The following ADGRL2 variants were observed in gnomAD, a reference collection of about 807,000 sequenced individuals.
ADGRL2 encodes calcium-independent alpha-latrotoxin receptor 2.
Under a neutral mutation model 157.4 loss-of-function variants are expected in ADGRL2, and 44 were observed. That is an observed-to-expected ratio of 0.28 (90% CI 0.22 to 0.36). The LOEUF (loss-of-function observed/expected upper bound fraction) is 0.36, where lower values mean the gene tolerates loss of function less well. Ranked by LOEUF, ADGRL2 falls within the 10% of genes least tolerant of loss-of-function variation. The pLI, the probability that ADGRL2 is intolerant of heterozygous loss-of-function variation, is 1.00. For synonymous variants in ADGRL2, 585 were observed against 624.7 expected (o/e 0.94, Z 0.95); for missense variants, 1,510 against 1,768.9 (o/e 0.85, Z 2.63).
At chr1:81,650,955 C>T (rs751159680) in intron 3 of ADGRL2, among the ~76,000 whole-genome samples, 1 of 152,134 alleles carries the variant, frequency 6.6e-6, no homozygotes, top group Non-Finnish European at 1.5e-5. Context: ...TTGTACCTGG[C>T]ATGTTTCCCA....
chr1:81,508,436 ATTATGG>A, intron 2 of ADGRL2, among the ~76,000 whole-genome samples: 1 of 152,330 alleles, frequency 6.6e-6, no homozygotes, highest in East Asian at 1.9e-4. Flanking sequence ...CCTGCCAGTC[ATTATGG>A]GTTCGCCAGT....
intron 3 of ADGRL2, among the ~76,000 whole-genome samples, chr1:81,600,279 G>A (rs1557495623): frequency 1.3e-5 from 2 of 152,180 alleles, no homozygotes; most frequent in South Asian, 4.1e-4. Flanking sequence ...ACTAACCCCG[G>A]AGGAACTTTT....
chr1:81,598,885 AT>A (rs1413936627), intron 3 of ADGRL2, among the ~76,000 whole-genome samples: 7 of 152,234 alleles, frequency 4.6e-5, no homozygotes, highest in Non-Finnish European at 8.8e-5. Flanking sequence ...GACAGAATGA[AT>A]GGCTATTTAT....
chr1:81,841,416 T>C (rs2092573725), intron 2 of ADGRL2, among the ~76,000 whole-genome samples: 1 of 152,094 alleles, frequency 6.6e-6, no homozygotes. Flanking sequence ...TTTCAGTATT[T>C]GGGTAGAAGA....
chr1:81,524,497 C>A (rs1467292883), intron 2 of ADGRL2, among the ~76,000 whole-genome samples: 1 of 151,902 alleles, frequency 6.6e-6, no homozygotes, highest in Non-Finnish European at 1.5e-5. Flanking sequence ...ATATAGGATG[C>A]CATTACAGTG....
intron 2 of ADGRL2, among the ~76,000 whole-genome samples, chr1:81,496,198 G>A (rs1299111008): frequency 1.3e-5 from 2 of 152,096 alleles, no homozygotes; most frequent in African/African-American, 4.8e-5. Context: ...TTCAGTGGCG[G>A]TAGACAGATT....
chr1:81,687,525 T>C (rs772575343), intron 3 of ADGRL2, among the ~76,000 whole-genome samples: 1 of 152,224 alleles, frequency 6.6e-6, no homozygotes, highest in Non-Finnish European at 1.5e-5. Flanking sequence ...TTTAAGTTTA[T>C]GTAAGTCCTT....
In ADGRL2 at chr1:81,670,072, T is replaced by G. The variant is rs995027063; in HGVS notation, c.-143+89092T>G. 2.0e-5 allele frequency among the ~76,000 whole-genome samples: 3 copies of G among 150,268 alleles called. No individual in the cohort carries two copies. In the South Asian group the frequency reaches 6.4e-4, roughly 32 times the overall value. On this transcript the variant is annotated intron_variant, in intron 3 of 24. Coordinates refer to the ADGRL2 transcript ENST00000370721. ...CACAGTGTGTAAGGAAAGTGTGTGG[T>G]GTTCAGAGACTTTTTGTTTATTTCC... is the stretch of plus-strand genomic sequence containing the variant.
chr1:81,367,733 G>T (rs2076091338), intron 1 of ADGRL2, among the ~76,000 whole-genome samples: 1 of 152,190 alleles, frequency 6.6e-6, no homozygotes, highest in African/African-American at 2.4e-5. Flanking sequence ...TGTATTTTTA[G>T]TAGAGATGGA....
chr1:81,376,852 G>C (rs1444877862), intron 1 of ADGRL2, among the ~76,000 whole-genome samples: 2 of 152,148 alleles, frequency 1.3e-5, no homozygotes, highest in Non-Finnish European at 2.9e-5. Context: ...ACAGCAGAGT[G>C]CATGGGTCAA....
intron 1 of ADGRL2, among the ~76,000 whole-genome samples, chr1:81,339,120 CTAA>C (rs1661869723): frequency 6.6e-6 from 1 of 152,136 alleles, no homozygotes; most frequent in African/African-American, 2.4e-5. Context: ...ATCTGTATAA[CTAA>C]TATTTGTTGA....
intron 17 of ADGRL2, among the ~76,000 whole-genome samples, chr1:81,975,678 A>G (rs995947155): frequency 3.9e-5 from 6 of 152,060 alleles, no homozygotes. Context: ...ACAGAAGTAT[A>G]TGGATGGAAA....
chr1:81,669,693 A>G (rs1310608275), intron 3 of ADGRL2, among the ~76,000 whole-genome samples: 1 of 152,162 alleles, frequency 6.6e-6, no homozygotes, highest in Non-Finnish European at 1.5e-5. Context: ...CTGTAATCCC[A>G]GCACTTTGGG....
rs148199162 is a variant in ADGRL2, at chr1:81,807,806, G to A, written c.-101+6738G>A. Among the ~76,000 whole-genome samples, 113 of 151,840 alleles carry A rather than the reference G, an allele frequency of 7.4e-4. 3 individuals are homozygous for A. In the East Asian group the frequency reaches 0.02, roughly 28 times the overall value. On this transcript the variant is annotated intron_variant, in intron 1 of 23. Transcript: ENST00000686636. ...TAAGTATTTTTGTGTGTGTGTGTGAGTCACGGTGTCATGAGAAAAGGGAGA... is the reference window on the plus strand; with the variant it reads ...TAAGTATTTTTGTGTGTGTGTGTGAATCACGGTGTCATGAGAAAAGGGAGA...
chr1:81,640,701 C>A (rs1263726452), intron 3 of ADGRL2, among the ~76,000 whole-genome samples: 1 of 151,486 alleles, frequency 6.6e-6, no homozygotes, highest in African/African-American at 2.4e-5. Context: ...AGACTAAGCT[C>A]CTATACTAGA....
intron 1 of ADGRL2, among the ~76,000 whole-genome samples, chr1:81,377,079 T>G (rs116705136): frequency 0.029 from 4,423 of 152,250 alleles, 100 homozygotes; most frequent in Middle Eastern, 0.099. Flanking sequence ...TGTATAGTCC[T>G]AAGCTACTCA....
rs771915425 is a variant in ADGRL2, at chr1:81,990,896, T to C, written c.4161T>C (p.Asn1387=). 9 of 1,613,866 alleles carry C rather than the reference T, an allele frequency of 5.6e-6. No homozygotes were observed. The highest frequency in any genetic ancestry group is 1.7e-5 in the Admixed American group (1 of 59,972). ...NRDSLYTSMP[N]LRDSPYPESS... Reference sequence around the variant, plus strand: ...ACTCTCTTTATACAAGCATGCCCAATCTTAGAGACTCTCCCTATCCGGAGA... The same window carrying C: ...ACTCTCTTTATACAAGCATGCCCAACCTTAGAGACTCTCCCTATCCGGAGA... The change falls in exon 24 of 24, where the codon AAT becomes AAC. Residue 1387 remains asparagine (N), a synonymous_variant. Coordinates refer to ENST00000686636, the MANE Select transcript of ADGRL2 (RefSeq NM_001366006.2).
chr1:81,833,146 G>C (rs2092066087), intron 1 of ADGRL2, among the ~76,000 whole-genome samples: 1 of 152,114 alleles, frequency 6.6e-6, no homozygotes, highest in South Asian at 2.1e-4. Context: ...AATAAGATCT[G>C]AGACTGATTT....
intron 11 of ADGRL2, among the ~76,000 whole-genome samples, chr1:81,957,774 T>C (rs866413160): frequency 7.2e-5 from 11 of 152,262 alleles, no homozygotes; most frequent in Middle Eastern, 3.4e-3. Flanking sequence ...TCTTTTTTCA[T>C]TTTTAATTAA....
Sources: gnomAD v4.1 joint callset for allele counts (sites outside exome capture counted in the v4.1 genomes callset) on GRCh38, gnomAD v4.1.1 for gene constraint, MANE v1.5 for transcripts, NCBI Gene and HGNC (gene_info 2026-07-23, HGNC 2026-07-21) for gene names.